Variants in TSC22D1 observed in about 807,000 individuals in gnomAD.
The protein encoded by TSC22D1 is TSC22 domain family protein 1.
A neutral mutation model predicts 74.2 loss-of-function variants in TSC22D1; 9 were observed. The ratio of observed to expected loss-of-function variants is 0.12; its 90% CI spans 0.07 to 0.21. The LOEUF (loss-of-function observed/expected upper bound fraction) is 0.21. Ranked by LOEUF, TSC22D1 falls within the 10% of genes least tolerant of loss-of-function variation. The probability of loss-of-function intolerance (pLI) is 1.00; values close to 1 mark genes in which losing one functional copy is unlikely to be tolerated. For missense variants in TSC22D1, 1,427 were observed against 1,304.7 expected (o/e 1.09, Z -1.44); for synonymous variants, 586 against 492.5 (o/e 1.19, Z -2.51).
At chr13:44,547,924 G>A (rs561379100) in intron 1 of TSC22D1, among the ~76,000 whole-genome samples, 1 of 152,158 alleles carries the variant, frequency 6.6e-6, no homozygotes, top group Non-Finnish European at 1.5e-5. Context: ...CAAGTAGCTG[G>A]AACTACAGGA....
intron 1 of TSC22D1, among the ~76,000 whole-genome samples, chr13:44,551,363 CA>C (rs1405655324): frequency 7.1e-6 from 1 of 141,164 alleles, no homozygotes; most frequent in Non-Finnish European, 1.5e-5. Context: ...AAAACTAAAA[CA>C]AAAACCCAAA....
intron 1 of TSC22D1, among the ~76,000 whole-genome samples, chr13:44,448,086 A>C (rs968097699): frequency 1.3e-5 from 2 of 152,108 alleles, no homozygotes; most frequent in African/African-American, 4.8e-5. Flanking sequence ...AAGGAATCAC[A>C]GATTTAGAAG....
At chr13:44,562,216 A>AT (rs1010078293) in intron 1 of TSC22D1, among the ~76,000 whole-genome samples, 13 of 151,622 alleles carry the variant, frequency 8.6e-5, no homozygotes, top group African/African-American at 2.2e-4. Flanking sequence ...TAATTTCTGT[A>AT]TTTTTTTTGT....
chr13:44,496,768 G>A (rs1318667708), intron 1 of TSC22D1, among the ~76,000 whole-genome samples: 1 of 152,054 alleles, frequency 6.6e-6, no homozygotes, highest in Non-Finnish European at 1.5e-5. Context: ...AGGAGACAAA[G>A]ATAGGGGGAT....
In TSC22D1 at chr13:44,433,828, T is replaced by C. The variant is rs1874263487; in HGVS notation, c.*798A>G. ...ATTCTTAAAATTTCTTTAGGTGTGG[T>C]TTTTGTCATGTAGCAGTTTTTATGT... On this transcript the variant is annotated 3_prime_UTR_variant, in exon 3 of 3. Transcript: ENST00000458659. The C allele has an allele frequency of 1.5e-6, 1 of 661,450 alleles. No individual in the cohort carries two copies. Among genetic ancestry groups the C allele is most frequent in the Non-Finnish European group, 2.3e-6 (1 of 431,700 alleles). The allele number at this position is 661,450 out of a possible 1,614,324, so 41.0% of individuals were successfully genotyped here.
intron 1 of TSC22D1, chr13:44,437,040 C>T: frequency 2.0e-6 from 2 of 979,904 alleles, no homozygotes; most frequent in Non-Finnish European, 2.4e-6. Flanking sequence ...GCTGGCCTGG[C>T]GCGGGCCGTG....
intron 1 of TSC22D1, among the ~76,000 whole-genome samples, chr13:44,515,772 T>C (rs1388993348): frequency 6.6e-6 from 1 of 152,172 alleles, no homozygotes; most frequent in Non-Finnish European, 1.5e-5. Context: ...TGAATATGTA[T>C]ATATCTGAAA....
chr13:44,502,406 A>G (rs1045522707), intron 1 of TSC22D1, among the ~76,000 whole-genome samples: 1 of 152,196 alleles, frequency 6.6e-6, no homozygotes, highest in African/African-American at 2.4e-5. Context: ...GTTATTTATT[A>G]TATGTTAACT....
At chr13:44,467,627 G>T (rs1877366026) in intron 1 of TSC22D1, among the ~76,000 whole-genome samples, 2 of 152,002 alleles carry the variant, frequency 1.3e-5, no homozygotes, top group Admixed American at 1.3e-4. Flanking sequence ...AAATGGCCAA[G>T]AAACATATGG....
At chr13:44,539,744 A>C in intron 1 of TSC22D1, 4 of 1,255,680 alleles carry the variant, frequency 3.2e-6, no homozygotes, top group Middle Eastern at 2.2e-4. Context: ...AATTAACCCA[A>C]GTAAATAATG....
In TSC22D1 at chr13:44,434,698, G is replaced by A. The variant is rs1318958013; in HGVS notation, c.3150C>T (p.Ala1050=). The A allele has an allele frequency of 6.2e-7, 1 of 1,610,716 alleles. No individual in the cohort carries two copies. Among genetic ancestry groups the A allele is most frequent in the South Asian group, 1.1e-5 (1 of 90,730 alleles). The change falls in exon 3 of 3, where the codon GCC becomes GCT. Residue 1050 remains alanine (A), a synonymous_variant. Transcript: ENST00000458659. The part of the protein sequence containing the change: ...QAQLQTGSPP[A]TTQPQGTTQP... Reference sequence around the variant, plus strand: ...GTGTGGTGCCCTGTGGCTGGGTGGTGGCAGGGGGGGAGCCAGTCTGCAGCT... The same window carrying A: ...GTGTGGTGCCCTGTGGCTGGGTGGTAGCAGGGGGGGAGCCAGTCTGCAGCT...
At chr13:44,474,988 G>A (rs1877826919) in intron 1 of TSC22D1, among the ~76,000 whole-genome samples, 1 of 152,094 alleles carries the variant, frequency 6.6e-6, no homozygotes, top group African/African-American at 2.4e-5. Flanking sequence ...GCAGAGGTGG[G>A]GAAGGGGCGG....
chr13:44,488,340 C>CA (rs1293100709), intron 1 of TSC22D1, among the ~76,000 whole-genome samples: 5 of 152,006 alleles, frequency 3.3e-5, no homozygotes, highest in Non-Finnish European at 7.4e-5. Context: ...TAGTACCCCC[C>CA]CAAAAGTAAA....
At chr13:44,496,739 C>A (rs1247065071) in intron 1 of TSC22D1, among the ~76,000 whole-genome samples, 1 of 151,864 alleles carries the variant, frequency 6.6e-6, no homozygotes, top group Admixed American at 6.6e-5. Flanking sequence ...GTGGTATACA[C>A]CTGCAGTCTC....
chr13:44,496,459 G>A (rs1016661801), intron 1 of TSC22D1, among the ~76,000 whole-genome samples: 3 of 152,132 alleles, frequency 2.0e-5, no homozygotes, highest in Non-Finnish European at 4.4e-5. Context: ...GAGGCGGGTG[G>A]ATCACCTGAG....
intron 1 of TSC22D1, among the ~76,000 whole-genome samples, chr13:44,442,381 AAAAACAGTTAT>A (rs1875271564): frequency 6.6e-6 from 1 of 152,246 alleles, no homozygotes; most frequent in African/African-American, 2.4e-5. Context: ...CAGGAACATT[AAAAACAGTTAT>A]AACTATATTT....
At chr13:44,544,771 T>TA (rs1161027652) in intron 1 of TSC22D1, among the ~76,000 whole-genome samples, 1 of 152,128 alleles carries the variant, frequency 6.6e-6, no homozygotes. Context: ...CTGAAAATGT[T>TA]ACCGGTATTC....
At chr13:44,508,564 G>A (rs1042801122) in intron 1 of TSC22D1, among the ~76,000 whole-genome samples, 2 of 151,942 alleles carry the variant, frequency 1.3e-5, no homozygotes, top group African/African-American at 4.8e-5. Context: ...TCTATAATCC[G>A]TTTCTCCATC....
At chr13:44,452,002 G>A (rs544651858) in intron 1 of TSC22D1, among the ~76,000 whole-genome samples, 2 of 152,360 alleles carry the variant, frequency 1.3e-5, no homozygotes, top group East Asian at 3.9e-4. Context: ...AGTCAGGAAA[G>A]CAGGCAGGGG....
Sources: allele counts gnomAD v4.1 joint callset (sites outside exome capture counted in the v4.1 genomes callset), GRCh38; gene constraint gnomAD v4.1.1; transcripts MANE v1.5; gene names NCBI Gene and HGNC (gene_info 2026-07-23, HGNC 2026-07-21).